SORD: variants seen among roughly 807,000 people sequenced by gnomAD.
The protein encoded by SORD is sorbitol dehydrogenase, also known as (R,R)-butanediol dehydrogenase.
SORD carries 18 observed loss-of-function variants against 35.6 expected under a neutral mutation model. The observed-to-expected ratio is 0.51, with a 90% CI of 0.35 to 0.75. SORD has a LOEUF of 0.75. SORD is among the 30% of genes least tolerant of loss of function. SORD has a pLI of 0.01. For missense variants in SORD, 250 were observed against 390.2 expected (o/e 0.64, Z 3.03); for synonymous variants, 106 against 152.9 (o/e 0.69, Z 2.26).
chr15:45,023,488 T>C (rs758660050), intron 1 of SORD, 139 bp downstream of exon 1: 242 of 693,700 alleles, frequency 3.5e-4, no homozygotes, highest in Non-Finnish European at 4.9e-4. Flanking sequence ...TCCCAGCTGG[T>C]TCCCCTCGGG....
intron 3 of SORD, among the ~76,000 whole-genome samples, chr15:45,053,923 C>T (rs1893170202): frequency 7.2e-6 from 1 of 138,714 alleles, no homozygotes; most frequent in South Asian, 2.5e-4. Context: ...CGATAGTTTA[C>T]CGAGAATGAT....
At chr15:45,027,253 T>A (rs111918426) in intron 1 of SORD, among the ~76,000 whole-genome samples, 1 of 152,204 alleles carries the variant, frequency 6.6e-6, no homozygotes, top group African/African-American at 2.4e-5. Context: ...CAGTGTCAGC[T>A]TGCTGGGGTT....
At chr15:45,065,800 G>C (rs151211550) in intron 5 of SORD, among the ~76,000 whole-genome samples, 94 of 152,162 alleles carry the variant, frequency 6.2e-4, no homozygotes, top group African/African-American at 2.2e-3. Context: ...TGTGTCTGTA[G>C]TTCCAGCTAC....
At chr15:45,034,606 A>G (rs1892830277) in intron 1 of SORD, among the ~76,000 whole-genome samples, 1 of 152,266 alleles carries the variant, frequency 6.6e-6, no homozygotes, top group African/African-American at 2.4e-5. Context: ...GAGTTACTTC[A>G]GGAGTGGGCT....
At chr15:45,067,905 C>T (rs1331106203) in intron 5 of SORD, among the ~76,000 whole-genome samples, 1 of 152,170 alleles carries the variant, frequency 6.6e-6, no homozygotes, top group African/African-American at 2.4e-5. Flanking sequence ...AGATTATCTC[C>T]ACTAGTGCCC....
intron 1 of SORD, among the ~76,000 whole-genome samples, chr15:45,029,921 G>A (rs1892747104): frequency 6.6e-6 from 1 of 152,266 alleles, no homozygotes; most frequent in South Asian, 2.1e-4. Context: ...GCACAGGATA[G>A]GAAGTGCGTA....
chr15:45,071,384 C>T (rs1174946799), intron 7 of SORD, among the ~76,000 whole-genome samples: 1 of 152,146 alleles, frequency 6.6e-6, no homozygotes, highest in Admixed American at 6.5e-5. Flanking sequence ...CCACTCAAAC[C>T]CTGAGTTCAC....
chr15:45,033,773 CTGAT>C (rs2141265160), intron 1 of SORD, among the ~76,000 whole-genome samples: 1 of 147,824 alleles, frequency 6.8e-6, no homozygotes, highest in South Asian at 2.2e-4. Context: ...AGAAAAATAA[CTGAT>C]TGGTTAAGAT....
intron 3 of SORD, among the ~76,000 whole-genome samples, chr15:45,052,556 A>T (rs1566961606): frequency 6.6e-6 from 1 of 152,050 alleles, no homozygotes; most frequent in Non-Finnish European, 1.5e-5. Context: ...AAAAACTCTG[A>T]CTCTAAATTT....
intron 7 of SORD, among the ~76,000 whole-genome samples, 170 bp downstream of exon 7, chr15:45,069,222 T>G (rs1893467217): frequency 1.5e-5 from 2 of 132,000 alleles, no homozygotes; most frequent in Non-Finnish European, 3.1e-5. Context: ...TTTTTTTTTT[T>G]TTGAGACAGA....
intron 1 of SORD, among the ~76,000 whole-genome samples, chr15:45,034,844 G>C (rs1476803722): frequency 6.6e-6 from 1 of 152,250 alleles, no homozygotes; most frequent in Non-Finnish European, 1.5e-5. Flanking sequence ...AGAGAGGCGC[G>C]AGCGGAAACC....
At chr15:45,023,874 CCTT>C (rs1892629164) in intron 1 of SORD, among the ~76,000 whole-genome samples, 1 of 152,296 alleles carries the variant, frequency 6.6e-6, no homozygotes, top group East Asian at 1.9e-4. Context: ...AGTGCCAGCT[CCTT>C]CTCCTTTCCT....
rs200643609 is a variant in SORD at position 45,068,446 on chromosome 15, AGAGTGT to A, written c.610+202_610+207del. ...CAGAGAGAGAGAGAGTTTGTGTGAGAGAGTGTGTGTGTGTGTGTCTGTGTGTAGCTG... is the reference window on the plus strand; with the variant it reads ...CAGAGAGAGAGAGAGTTTGTGTGAGAGTGTGTGTGTGTCTGTGTGTAGCTG... On this transcript the variant is annotated intron_variant, in intron 6 of 8. Transcript: ENST00000267814. 3.3e-3 allele frequency among the ~76,000 whole-genome samples: 401 copies of A among 120,522 alleles called. 3 individuals carry two copies. The highest frequency in any genetic ancestry group is 0.02 in the Middle Eastern group (4 of 200). The allele number at this position is 120,522 out of a possible 152,430, so 79.1% of individuals were successfully genotyped here.
intron 3 of SORD, 68 bp from the exon 4 acceptor site, chr15:45,060,999 C>G (rs761705721): frequency 2.6e-5 from 41 of 1,601,942 alleles, no homozygotes; most frequent in South Asian, 5.6e-5. Context: ...AACAAAGAAC[C>G]AGACCAAAGA....
At chr15:45,054,579 C>T (rs1421324186) in intron 3 of SORD, among the ~76,000 whole-genome samples, 1 of 152,062 alleles carries the variant, frequency 6.6e-6, no homozygotes, top group African/African-American at 2.4e-5. Context: ...TGAAAATTTT[C>T]TCCCATTTTG....
intron 1 of SORD, among the ~76,000 whole-genome samples, chr15:45,030,625 A>G (rs897263896): frequency 1.3e-5 from 2 of 152,290 alleles, no homozygotes; most frequent in African/African-American, 4.8e-5. Context: ...TCAGAGACTT[A>G]GAATTTTTGC....
intron 4 of SORD, among the ~76,000 whole-genome samples, chr15:45,062,018 T>G (rs72722083): frequency 0.097 from 13,922 of 144,010 alleles, 753 homozygotes; most frequent in African/African-American, 0.17. Flanking sequence ...TTGGAGAAAT[T>G]ATTTCACTTT....
At chr15:45,050,973 A>G (rs1053158843) in intron 3 of SORD, among the ~76,000 whole-genome samples, 10 of 152,230 alleles carry the variant, frequency 6.6e-5, no homozygotes, top group Admixed American at 5.2e-4. Flanking sequence ...CATGATATTC[A>G]TGAACATTTC....
At chr15:45,062,256 G>A (rs533677298) in intron 4 of SORD, among the ~76,000 whole-genome samples, 75 of 152,292 alleles carry the variant, frequency 4.9e-4, no homozygotes, top group African/African-American at 1.7e-3. Context: ...GTCAAACTGG[G>A]GTCTCTGTGA....
Sources: gnomAD v4.1 joint callset for allele counts (sites outside exome capture counted in the v4.1 genomes callset) on GRCh38, gnomAD v4.1.1 for gene constraint, MANE v1.5 for transcripts, NCBI Gene and HGNC (gene_info 2026-07-23, HGNC 2026-07-21) for gene names.